PRKACB: variants seen among roughly 807,000 people sequenced by gnomAD.
The protein encoded by PRKACB is cAMP-dependent protein kinase catalytic subunit beta.
Under a neutral mutation model 51.4 loss-of-function variants are expected in PRKACB, and 16 were observed. That is an observed-to-expected ratio of 0.31 (90% CI 0.21 to 0.47). PRKACB has a LOEUF of 0.47. Among genes scored for constraint, PRKACB ranks in the 20% least tolerant of loss-of-function variants. The pLI, the probability that PRKACB is intolerant of heterozygous loss-of-function variation, is 1.00. For missense variants in PRKACB, 309 were observed against 464.5 expected, an observed-to-expected ratio of 0.67 and a Z score of 3.08; for synonymous variants, 147 against 154.4, an observed-to-expected ratio of 0.95 and a Z score of 0.35.
intron 8 of PRKACB, among the ~76,000 whole-genome samples, chr1:84,205,708 T>A (rs575272363): frequency 6.6e-6 from 1 of 152,256 alleles, no homozygotes; most frequent in African/African-American, 2.4e-5. Context: ...TGTAAAATAC[T>A]TTCTCTATTA....
At chr1:84,149,475 G>A (rs1654565679) in intron 1 of PRKACB, among the ~76,000 whole-genome samples, 2 of 152,062 alleles carry the variant, frequency 1.3e-5, no homozygotes, top group Non-Finnish European at 2.9e-5. Flanking sequence ...TGCCCAGGTC[G>A]ATCTTGAACT....
intron 1 of PRKACB, among the ~76,000 whole-genome samples, chr1:84,112,705 G>A (rs945368920): frequency 6.6e-6 from 1 of 152,098 alleles, no homozygotes; most frequent in Non-Finnish European, 1.5e-5. Context: ...ACTAGTACAG[G>A]TCCTAAAGGG....
At chr1:84,215,351 T>G (rs1672733963) in intron 9 of PRKACB, among the ~76,000 whole-genome samples, 1 of 152,200 alleles carries the variant, frequency 6.6e-6, no homozygotes, top group Non-Finnish European at 1.5e-5. Context: ...ATATGAAGCT[T>G]ATACTTCCAG....
At chr1:84,165,135 C>A in intron 1 of PRKACB, 1 of 776,974 alleles carries the variant, frequency 1.3e-6, no homozygotes, top group Non-Finnish European at 1.9e-6. Context: ...TTTGTGGTGA[C>A]GCTTTTGTAC....
At chr1:84,125,720 A>G (rs1024947577) in intron 1 of PRKACB, among the ~76,000 whole-genome samples, 2 of 152,228 alleles carry the variant, frequency 1.3e-5, no homozygotes, top group Non-Finnish European at 2.9e-5. Flanking sequence ...AGTATAAACT[A>G]GTTGTTAACA....
At chr1:84,164,121 A>T (rs1329111354) in intron 1 of PRKACB, among the ~76,000 whole-genome samples, 1 of 152,074 alleles carries the variant, frequency 6.6e-6, no homozygotes, top group African/African-American at 2.4e-5. Context: ...CAAATAAGTT[A>T]TTCTATGATT....
At chr1:84,211,243 A>T (rs1255576036) in intron 8 of PRKACB, among the ~76,000 whole-genome samples, 1 of 152,160 alleles carries the variant, frequency 6.6e-6, no homozygotes, top group Non-Finnish European at 1.5e-5. Flanking sequence ...ATTCCACTGC[A>T]TATTACCTGA....
At chr1:84,135,320 C>A (rs1359088986) in intron 1 of PRKACB, among the ~76,000 whole-genome samples, 1 of 152,146 alleles carries the variant, frequency 6.6e-6, no homozygotes, top group East Asian at 1.9e-4. Flanking sequence ...GCCAACTCCA[C>A]TATTATAGTT....
intron 9 of PRKACB, 68 bp from the exon 10 acceptor site, chr1:84,235,112 T>G: frequency 6.7e-7 from 1 of 1,493,334 alleles, no homozygotes; most frequent in Non-Finnish European, 9.1e-7. Flanking sequence ...TTTATTTTTC[T>G]TGGTGTTTGG....
intron 1 of PRKACB, among the ~76,000 whole-genome samples, chr1:84,165,678 G>A (rs918950715): frequency 1.3e-5 from 2 of 151,422 alleles, no homozygotes; most frequent in Non-Finnish European, 3.0e-5. Context: ...TTCCAAAACT[G>A]TTTTTTTGAA....
At chr1:84,224,472 C>G (rs150325823) in intron 9 of PRKACB, among the ~76,000 whole-genome samples, 1 of 152,308 alleles carries the variant, frequency 6.6e-6, no homozygotes, top group East Asian at 1.9e-4. Flanking sequence ...ATTGGGCAAG[C>G]CAGACCCTAA....
At chr1:84,114,285 A>C (rs1193669476) in intron 1 of PRKACB, among the ~76,000 whole-genome samples, 3 of 152,192 alleles carry the variant, frequency 2.0e-5, no homozygotes, top group Non-Finnish European at 4.4e-5. Context: ...GATACCATCC[A>C]GGCAAATTAG....
intron 1 of PRKACB, among the ~76,000 whole-genome samples, chr1:84,163,211 C>T (rs1205296875): frequency 6.6e-6 from 1 of 151,952 alleles, no homozygotes. Flanking sequence ...GAAGTCTGTA[C>T]CAGCTTTAAC....
chr1:84,189,297 C>G (rs781550153), intron 5 of PRKACB, among the ~76,000 whole-genome samples: 1 of 151,712 alleles, frequency 6.6e-6, no homozygotes, highest in Non-Finnish European at 1.5e-5. Flanking sequence ...AAATACATGG[C>G]TCTCAGTAAC....
intron 8 of PRKACB, among the ~76,000 whole-genome samples, chr1:84,212,822 G>T (rs1374548078): frequency 6.6e-6 from 1 of 152,086 alleles, no homozygotes; most frequent in Non-Finnish European, 1.5e-5. Context: ...TTGTAAAATG[G>T]ATGAACTACA....
intron 1 of PRKACB, among the ~76,000 whole-genome samples, chr1:84,136,022 A>G (rs1652768976): frequency 1.3e-5 from 2 of 152,086 alleles, no homozygotes; most frequent in Admixed American, 1.3e-4. Flanking sequence ...GAAGAATAAA[A>G]GAAGATAGAA....
At chr1:84,169,839 C>A (rs1484920389) in intron 1 of PRKACB, among the ~76,000 whole-genome samples, 1 of 151,528 alleles carries the variant, frequency 6.6e-6, no homozygotes, top group African/African-American at 2.4e-5. Context: ...GAATTTCCAG[C>A]ATAAAAAAAT....
Position 84,237,058 on chromosome 1 carries a change from A to G in PRKACB, c.*1753A>G, listed in dbSNP as rs558002501. On this transcript the variant is annotated 3_prime_UTR_variant, in exon 10 of 10. Coordinates refer to ENST00000370685, the MANE Select transcript of PRKACB (RefSeq NM_182948.4). Reference sequence around the variant, plus strand: ...TCTGAGATGTTCTTTCTACCAATCTATATGTCTTTCGGTTATCAAGTGTTT... The same window carrying G: ...TCTGAGATGTTCTTTCTACCAATCTGTATGTCTTTCGGTTATCAAGTGTTT... 5 of 152,304 alleles carry G rather than the reference A, an allele frequency of 3.3e-5. No individual in the cohort carries two copies. The South Asian group carries it at 6.2e-4, about 19-fold the overall frequency. 9.4% of individuals were successfully genotyped at this position (152,304 alleles called of 1,614,324 possible). A position where few individuals can be genotyped will look rare whatever the true frequency, so the allele number is the denominator to read the frequency against.
intron 8 of PRKACB, chr1:84,205,127 C>T (rs1165359785): frequency 1.0e-6 from 1 of 981,298 alleles, no homozygotes; most frequent in East Asian, 1.1e-4. Flanking sequence ...CTAAAAGTAC[C>T]AGATTATCTC....
Sources: gnomAD v4.1 joint callset for allele counts (sites outside exome capture counted in the v4.1 genomes callset) on GRCh38, gnomAD v4.1.1 for gene constraint, MANE v1.5 for transcripts, NCBI Gene and HGNC (gene_info 2026-07-23, HGNC 2026-07-21) for gene names.